LOC400499: variants seen among roughly 807,000 people sequenced by gnomAD.
At chr16:11,500,963 T>C in the LOC400499 span, 52 of 398,912 alleles carry the variant, frequency 1.3e-4, 1 homozygote, top group Non-Finnish European at 2.1e-4. Context: ...CATCCAACAG[T>C]GGCTGCCTGA....
chr16:11,374,819 C>G, the LOC400499 span, among the ~76,000 whole-genome samples: 2 of 152,104 alleles, frequency 1.3e-5, no homozygotes. Context: ...TTTAGGGGAT[C>G]CATACCCAGA....
chr16:11,456,937 G>A, the LOC400499 span: 1 of 1,536,272 alleles, frequency 6.5e-7, no homozygotes. Flanking sequence ...CCATTGTACT[G>A]CACCTTCAGG....
the LOC400499 span, among the ~76,000 whole-genome samples, chr16:11,461,965 T>G: frequency 1.3e-5 from 2 of 152,260 alleles, 1 homozygote; most frequent in South Asian, 4.1e-4. Flanking sequence ...TGGGGGAGGT[T>G]CTGGGGGCTC....
At chr16:11,437,383 C>A in the LOC400499 span, among the ~76,000 whole-genome samples, 1,220 of 152,248 alleles carry the variant, frequency 8.0e-3, 18 homozygotes, top group African/African-American at 0.028. Context: ...CAGAGCAATA[C>A]CCGCATCTCT....
At chr16:11,456,358 T>C in the LOC400499 span, among the ~76,000 whole-genome samples, 2 of 151,742 alleles carry the variant, frequency 1.3e-5, no homozygotes, top group Non-Finnish European at 2.9e-5. Flanking sequence ...GGTGGATTCA[T>C]TTTTTAAAAG....
chr16:11,393,872 G>A, the LOC400499 span, among the ~76,000 whole-genome samples: 1 of 152,186 alleles, frequency 6.6e-6, no homozygotes, highest in Non-Finnish European at 1.5e-5. Context: ...GAGCCCAGGA[G>A]TTTCAGACTA....
chr16:11,455,535 G>C, the LOC400499 span, among the ~76,000 whole-genome samples: 1 of 151,990 alleles, frequency 6.6e-6, no homozygotes, highest in African/African-American at 2.4e-5. Context: ...AGGAGTTCAA[G>C]ACCAGCCTGG....
chr16:11,510,528 G>A, the LOC400499 span, among the ~76,000 whole-genome samples: 1 of 151,684 alleles, frequency 6.6e-6, no homozygotes, highest in Non-Finnish European at 1.5e-5. Context: ...TCATGCAGCT[G>A]TTTAATTTCT....
At chr16:11,485,426 T>C in the LOC400499 span, among the ~76,000 whole-genome samples, 1 of 152,220 alleles carries the variant, frequency 6.6e-6, no homozygotes, top group South Asian at 2.1e-4. Flanking sequence ...CCTCGAAAGA[T>C]CCAGGATGAG....
At chr16:11,409,990 C>T in the LOC400499 span, among the ~76,000 whole-genome samples, 281 of 152,182 alleles carry the variant, frequency 1.8e-3, no homozygotes, top group African/African-American at 6.2e-3. Flanking sequence ...AAGAAGCTCC[C>T]GGAATGGAGC....
chr16:11,398,253 C>T, the LOC400499 span: 1 of 1,121,842 alleles, frequency 8.9e-7, no homozygotes, highest in Non-Finnish European at 1.1e-6. Flanking sequence ...CTGCCTCGCT[C>T]ACACCCCTGC....
chr16:11,414,795 C>G, the LOC400499 span, among the ~76,000 whole-genome samples: 2 of 152,240 alleles, frequency 1.3e-5, no homozygotes, highest in South Asian at 2.1e-4. Flanking sequence ...CTTCCCTTGA[C>G]TGCCCATCTG....
chr16:11,515,479 G>GTACA, the LOC400499 span, among the ~76,000 whole-genome samples: 69 of 144,428 alleles, frequency 4.8e-4, no homozygotes, highest in Non-Finnish European at 7.8e-4. Flanking sequence ...ACATACGTAC[G>GTACA]TACATACATA....
chr16:11,451,127 T>C, the LOC400499 span, among the ~76,000 whole-genome samples: 1 of 152,206 alleles, frequency 6.6e-6, no homozygotes, highest in Admixed American at 6.5e-5. Flanking sequence ...GTCTACAATT[T>C]ACTTTCAACT....
At chr16:11,508,968 G>A in the LOC400499 span, 1 of 397,320 alleles carries the variant, frequency 2.5e-6, no homozygotes, top group Non-Finnish European at 4.4e-6. Context: ...GCATGTTTCA[G>A]GCAACAGGTA....
At chr16:11,419,720 T>C in the LOC400499 span, among the ~76,000 whole-genome samples, 1 of 152,152 alleles carries the variant, frequency 6.6e-6, no homozygotes, top group Non-Finnish European at 1.5e-5. Context: ...AGGGCTAATA[T>C]CCAGAATCTA....
the LOC400499 span, among the ~76,000 whole-genome samples, chr16:11,494,394 G>C: frequency 6.6e-6 from 1 of 151,356 alleles, no homozygotes; most frequent in Non-Finnish European, 1.5e-5. Context: ...AGGGGCAGTG[G>C]CGTGGGGGGG....
the LOC400499 span, among the ~76,000 whole-genome samples, chr16:11,497,410 G>A: frequency 3.9e-5 from 6 of 152,250 alleles, no homozygotes; most frequent in African/African-American, 1.4e-4. Flanking sequence ...TTGGCTGGGA[G>A]GGCAGGGGTT....
the LOC400499 span, among the ~76,000 whole-genome samples, chr16:11,437,864 G>T: frequency 6.6e-6 from 1 of 152,176 alleles, no homozygotes; most frequent in Non-Finnish European, 1.5e-5. Context: ...GCGAGACTCG[G>T]TCTCGAAAAA....
Sources: gnomAD v4.1 joint callset for allele counts (sites outside exome capture counted in the v4.1 genomes callset) on GRCh38, gnomAD v4.1.1 for gene constraint, MANE v1.5 for transcripts.